Variants in CD200R1 observed in about 807,000 individuals in gnomAD.
CD200R1 encodes CD200 receptor 1, also known as cell surface glycoprotein CD200 receptor 1.
Under a neutral mutation model 38.1 loss-of-function variants are expected in CD200R1, and 30 were observed. That is an observed-to-expected ratio of 0.79 (90% CI 0.59 to 1.07). The LOEUF (loss-of-function observed/expected upper bound fraction) is 1.07, where lower values mean the gene tolerates loss of function less well. Among genes scored for constraint, CD200R1 ranks in the 50% least tolerant of loss-of-function variants. The probability of loss-of-function intolerance (pLI) is 0.00; values close to 1 mark genes in which losing one functional copy is unlikely to be tolerated. For synonymous variants in CD200R1, 128 were observed against 152.1 expected, an observed-to-expected ratio of 0.84 and a Z score of 1.16; for missense variants, 372 against 415.4, an observed-to-expected ratio of 0.90 and a Z score of 0.91.
At chr3:112,968,680 C>T (rs934649341) in intron 1 of CD200R1, among the ~76,000 whole-genome samples, 3 of 152,166 alleles carry the variant, frequency 2.0e-5, no homozygotes, top group African/African-American at 2.4e-5. Context: ...ACTTTACTCT[C>T]TGAAAAGTGA....
Position 112,929,247 on chromosome 3 carries a change from A to G in CD200R1, c.463T>C (p.Cys155Arg), listed in dbSNP as rs779626106. 1.9e-6 allele frequency: 3 copies of G among 1,614,166 alleles called. No homozygotes were observed. Among genetic ancestry groups the G allele is most frequent in the Non-Finnish European group, 1.7e-6 (2 of 1,180,020 alleles). Reference sequence around the variant, plus strand: ...TTCCCATCAGGTGTTACCATTATGCATCTGTAATACCCGTCATGAGTGATG... The same window carrying G: ...TTCCCATCAGGTGTTACCATTATGCGTCTGTAATACCCGTCATGAGTGATG... ...VAITHDGYYR[C>R]IMVTPDGNFH... Residue 155 changes from cysteine to arginine, a missense_variant, in exon 4 of 8, where the codon TGC becomes CGC. Coordinates refer to ENST00000308611, the MANE Select transcript of CD200R1 (RefSeq NM_138806.4).
chr3:112,963,775 G>A (rs1337280816), intron 1 of CD200R1, among the ~76,000 whole-genome samples: 1 of 152,150 alleles, frequency 6.6e-6, no homozygotes, highest in Non-Finnish European at 1.5e-5. Flanking sequence ...AGGTAACAAG[G>A]AGCTGAATGT....
At position 112,923,715 on chromosome 3, in the gene CD200R1, A is replaced by G. The variant is rs1940218856; in HGVS notation, c.1009T>C (p.Leu337=). 6.2e-7 allele frequency: 1 copy of G among 1,605,264 alleles called. No homozygotes were observed. The highest frequency in any genetic ancestry group is 1.7e-5 in the Admixed American group (1 of 59,634). ...TTNKVKASEA[L]QSEVDTDLHT... is the part of the protein sequence containing the mutation. ...AGGTCTGTGTCAACTTCACTTTGTAATGCCTCAGATGCCTTCACCTTGTTT... is the reference window on the plus strand; with the variant it reads ...AGGTCTGTGTCAACTTCACTTTGTAGTGCCTCAGATGCCTTCACCTTGTTT... The change falls in exon 8 of 8, where the codon TTA becomes CTA. Residue 337 remains leucine (L), a synonymous_variant. Transcript: ENST00000308611.
chr3:112,934,569 C>T (rs1395524425), intron 2 of CD200R1, among the ~76,000 whole-genome samples: 9 of 152,168 alleles, frequency 5.9e-5, no homozygotes, highest in Non-Finnish European at 1.3e-4. Context: ...GTGGCTCACG[C>T]CTGTAATCCT....
At chr3:112,956,890 A>T (rs1941111150) in intron 1 of CD200R1, among the ~76,000 whole-genome samples, 1 of 152,192 alleles carries the variant, frequency 6.6e-6, no homozygotes, top group South Asian at 2.1e-4. Context: ...AGGACACTCT[A>T]GTCAGCTGGC....
At chr3:112,973,402 C>T (rs1042555951) in intron 1 of CD200R1, among the ~76,000 whole-genome samples, 2 of 152,176 alleles carry the variant, frequency 1.3e-5, no homozygotes, top group Non-Finnish European at 2.9e-5. Flanking sequence ...AAATTGCCCA[C>T]TCAAATGTTT....
intron 1 of CD200R1, 65 bp from the exon 2 acceptor site, chr3:112,947,989 T>G: frequency 1.0e-6 from 1 of 982,552 alleles, no homozygotes; most frequent in Non-Finnish European, 1.6e-6. Flanking sequence ...TGACTCCTAG[T>G]TAAAATCATA....
intron 2 of CD200R1, among the ~76,000 whole-genome samples, chr3:112,937,444 G>T (rs1940610803): frequency 7.9e-6 from 1 of 126,640 alleles, no homozygotes; most frequent in Admixed American, 8.0e-5. Flanking sequence ...TTATTAAATA[G>T]GGAATCCTTT....
chr3:112,928,811 C>T lies in CD200R1; in HGVS notation c.769+5G>A, dbSNP rs1940340561. On this transcript the variant is annotated splice_donor_5th_base_variant and intron_variant, in intron 5 of 7. Transcript: ENST00000308611. ...ATAAAAAATAAAACTAAAAGAATTA[C>T]TGACCAGGAAGTAGCTCTATGTACA... 1 of 1,587,766 alleles carries T rather than the reference C, an allele frequency of 6.3e-7. No homozygotes were observed. Among genetic ancestry groups the T allele is most frequent in the African/African-American group, 1.4e-5 (1 of 74,062 alleles).
intron 1 of CD200R1, among the ~76,000 whole-genome samples, chr3:112,974,526 C>A (rs1392048960): frequency 2.0e-5 from 3 of 151,520 alleles, no homozygotes; most frequent in South Asian, 4.1e-4. Flanking sequence ...CTGCCTTGTT[C>A]AAAAAACAGG....
At chr3:112,934,598 G>A (rs1337735445) in intron 2 of CD200R1, among the ~76,000 whole-genome samples, 1 of 152,152 alleles carries the variant, frequency 6.6e-6, no homozygotes, top group African/African-American at 2.4e-5. Flanking sequence ...GGGAGGCCAA[G>A]GAGGGTGCAT....
In CD200R1 at chr3:112,925,210, A is replaced by G; in HGVS notation, c.770-17T>C. On this transcript the variant is annotated splice_polypyrimidine_tract_variant and intron_variant, in intron 5 of 7. Coordinates refer to ENST00000308611, the MANE Select transcript of CD200R1 (RefSeq NM_138806.4). Reference sequence around the variant, plus strand: ...CACCTGGAACTATAGACACAAAAATATATGGTTCAAATGTGGTACAATCCA... The same window carrying G: ...CACCTGGAACTATAGACACAAAAATGTATGGTTCAAATGTGGTACAATCCA... 1.7e-6 allele frequency: 2 copies of G among 1,208,736 alleles called. No homozygotes were observed. The highest frequency in any genetic ancestry group is 1.9e-4 in the Middle Eastern group (1 of 5,266). 74.9% of individuals were successfully genotyped at this position (1,208,736 alleles called of 1,614,324 possible).
intron 1 of CD200R1, among the ~76,000 whole-genome samples, chr3:112,950,934 C>T (rs1478630857): frequency 6.6e-6 from 1 of 151,940 alleles, no homozygotes; most frequent in Non-Finnish European, 1.5e-5. Flanking sequence ...AAAAGTAATA[C>T]CTTTAAGTGC....
chr3:112,956,562 C>A (rs1193545937), intron 1 of CD200R1, among the ~76,000 whole-genome samples: 1 of 152,138 alleles, frequency 6.6e-6, no homozygotes, highest in East Asian at 1.9e-4. Flanking sequence ...CTGGTGATGT[C>A]ATGTTTCCCT....
chr3:112,931,502 G>A (rs1036557568), intron 2 of CD200R1, among the ~76,000 whole-genome samples: 3 of 152,144 alleles, frequency 2.0e-5, no homozygotes, highest in African/African-American at 7.2e-5. Flanking sequence ...TCTCACATGA[G>A]CTGGTCCAAT....
intron 1 of CD200R1, among the ~76,000 whole-genome samples, chr3:112,966,967 G>A (rs1933180793): frequency 6.6e-6 from 1 of 152,076 alleles, no homozygotes; most frequent in Admixed American, 6.5e-5. Flanking sequence ...TTATAGTCAA[G>A]CTTTTGGCCT....
Position 112,974,877 on chromosome 3 carries a change from G to A in CD200R1, c.-20C>T, listed in dbSNP as rs762645815. On this transcript the variant is annotated 5_prime_UTR_variant, in exon 1 of 8. Transcript: ENST00000308611. ...GAGCATTTCTGTTTTCTCTTTTTCTGCCCTTCACTCAGTACTTTTCCTCCA... is the reference window on the plus strand; with the variant it reads ...GAGCATTTCTGTTTTCTCTTTTTCTACCCTTCACTCAGTACTTTTCCTCCA... 1 of 1,604,690 alleles carries A rather than the reference G, an allele frequency of 6.2e-7. No individual in the cohort carries two copies. The highest frequency in any genetic ancestry group is 1.1e-5 in the South Asian group (1 of 90,780).
At chr3:112,928,352 A>G (rs1280205990) in intron 5 of CD200R1, among the ~76,000 whole-genome samples, 2 of 152,194 alleles carry the variant, frequency 1.3e-5, no homozygotes, top group Non-Finnish European at 2.9e-5. Context: ...GAGTAAATAA[A>G]CTAAACAGTG....
At chr3:112,951,023 A>G (rs987034695) in intron 1 of CD200R1, among the ~76,000 whole-genome samples, 14 of 152,150 alleles carry the variant, frequency 9.2e-5, no homozygotes, top group Non-Finnish European at 1.9e-4. Context: ...AATAAATATA[A>G]GAGCAGAAAT....
Sources: gnomAD v4.1 joint callset for allele counts (sites outside exome capture counted in the v4.1 genomes callset) on GRCh38, gnomAD v4.1.1 for gene constraint, MANE v1.5 for transcripts, NCBI Gene and HGNC (gene_info 2026-07-23, HGNC 2026-07-21) for gene names.